Variants in AKT3 observed in about 807,000 individuals in gnomAD.
The protein encoded by AKT3 is AKT serine/threonine kinase 3, also known as RAC-gamma serine/threonine-protein kinase.
In AKT3, 15 loss-of-function variants were observed where a neutral mutation model predicts 65.3. That is an observed-to-expected ratio of 0.23 (90% CI 0.15 to 0.35). AKT3 has a LOEUF of 0.35. Ranked by LOEUF, AKT3 falls within the 10% of genes least tolerant of loss-of-function variation. AKT3 has a pLI of 1.00. For synonymous variants in AKT3, 206 were observed against 183.8 expected (o/e 1.12, Z -0.98); for missense variants, 243 against 576.5 (o/e 0.42, Z 5.92).
chr1:243,510,838 T>C (rs930104673), intron 13 of AKT3, among the ~76,000 whole-genome samples: 1 of 152,224 alleles, frequency 6.6e-6, no homozygotes, highest in African/African-American at 2.4e-5. Flanking sequence ...ACAGTTAGGA[T>C]TATATCCAAA....
intron 10 of AKT3, among the ~76,000 whole-genome samples, chr1:243,554,120 A>T (rs1008707905): frequency 1.3e-5 from 2 of 152,200 alleles, no homozygotes; most frequent in Admixed American, 6.5e-5. Context: ...TCACAGAATT[A>T]CAGGTGATAT....
chr1:243,566,363 A>T (rs1216049523), intron 9 of AKT3, among the ~76,000 whole-genome samples: 1 of 152,218 alleles, frequency 6.6e-6, no homozygotes, highest in Non-Finnish European at 1.5e-5. Flanking sequence ...CCCAGAACTG[A>T]GGGGTTTCAA....
intron 2 of AKT3, among the ~76,000 whole-genome samples, chr1:243,770,830 T>C (rs964945275): frequency 1.3e-5 from 2 of 152,082 alleles, no homozygotes; most frequent in Non-Finnish European, 2.9e-5. Context: ...CCCACCACCG[T>C]TGTCATTCTT....
intron 13 of AKT3, among the ~76,000 whole-genome samples, chr1:243,489,407 G>A (rs1665830950): frequency 6.6e-6 from 1 of 152,208 alleles, no homozygotes; most frequent in South Asian, 2.1e-4. Flanking sequence ...AAGTTGCGCC[G>A]TGCAGGCTGC....
At chr1:243,814,429 T>C (rs931658630) in intron 2 of AKT3, 1 of 151,974 alleles carries the variant, frequency 6.6e-6, no homozygotes, top group African/African-American at 2.4e-5. Context: ...ATGGAAAAAA[T>C]TCTTCCTCAT....
chr1:243,671,731 A>T (rs1197052116), intron 3 of AKT3, among the ~76,000 whole-genome samples: 1 of 152,216 alleles, frequency 6.6e-6, no homozygotes, highest in Middle Eastern at 3.2e-3. Flanking sequence ...AATGTTATTC[A>T]TTTAATCCAA....
intron 2 of AKT3, among the ~76,000 whole-genome samples, chr1:243,763,113 C>T (rs1346879883): frequency 6.6e-6 from 1 of 151,922 alleles, no homozygotes; most frequent in Non-Finnish European, 1.5e-5. Flanking sequence ...TAAACTAAAA[C>T]CAATTTCTAA....
At chr1:243,550,376 C>A (rs543461258) in intron 11 of AKT3, among the ~76,000 whole-genome samples, 5 of 152,216 alleles carry the variant, frequency 3.3e-5, no homozygotes, top group Middle Eastern at 3.4e-3. Flanking sequence ...TCTATTAATA[C>A]ATACTAGGCG....
intron 2 of AKT3, among the ~76,000 whole-genome samples, chr1:243,828,062 T>TAAA (rs1412169544): frequency 7.0e-5 from 5 of 71,112 alleles, no homozygotes; most frequent in South Asian, 4.0e-4. Flanking sequence ...AAGAATGTTT[T>TAAA]AAAAACAACA....
chr1:243,721,613 C>A lies in AKT3; in HGVS notation c.47-25897G>T, dbSNP rs1358856482. On this transcript the variant is annotated intron_variant, in intron 2 of 13. Transcript: ENST00000673466. ...GAGGAAAGGGATCATTCCCTTTCCA[C>A]TACTATACTACCAAATATAAACTAG... 2.0e-5 allele frequency among the ~76,000 whole-genome samples: 3 copies of A among 152,094 alleles called. No homozygotes were observed. In the East Asian group the frequency reaches 5.8e-4, roughly 29 times the overall value.
intron 2 of AKT3, among the ~76,000 whole-genome samples, chr1:243,825,727 T>C (rs537900034): frequency 6.6e-6 from 1 of 152,310 alleles, no homozygotes; most frequent in South Asian, 2.1e-4. Context: ...GATTACCGGC[T>C]ACAAACAGGA....
At chr1:243,645,827 G>A (rs2147845618) in intron 5 of AKT3, 66 bp downstream of exon 5, 2 of 1,426,850 alleles carry the variant, frequency 1.4e-6, no homozygotes, top group Non-Finnish European at 1.9e-6. Flanking sequence ...TCTGCAAATG[G>A]TAGCTTTTAA....
At chr1:243,627,651 T>C (rs530473070) in intron 6 of AKT3, among the ~76,000 whole-genome samples, 3 of 152,278 alleles carry the variant, frequency 2.0e-5, no homozygotes, top group East Asian at 3.9e-4. Context: ...GGCTGGAGGA[T>C]AAATCCAGCA....
intron 4 of AKT3, among the ~76,000 whole-genome samples, chr1:243,650,568 T>G (rs1681230085): frequency 6.6e-6 from 1 of 152,202 alleles, no homozygotes; most frequent in Non-Finnish European, 1.5e-5. Context: ...TAATCCATCT[T>G]GGGTTGATTT....
chr1:243,508,567 G>T (rs1393218667), intron 13 of AKT3, among the ~76,000 whole-genome samples: 1 of 151,640 alleles, frequency 6.6e-6, no homozygotes, highest in Non-Finnish European at 1.5e-5. Context: ...AGAAACAGAT[G>T]ACATTGCTGG....
At chr1:243,808,396 T>C (rs935987469) in intron 2 of AKT3, among the ~76,000 whole-genome samples, 3 of 152,166 alleles carry the variant, frequency 2.0e-5, no homozygotes, top group African/African-American at 4.8e-5. Context: ...CAAGCTTCAG[T>C]AGCCGATTCG....
chr1:243,566,524 G>T (rs571952962), intron 9 of AKT3, among the ~76,000 whole-genome samples: 2 of 152,160 alleles, frequency 1.3e-5, no homozygotes, highest in Admixed American at 1.3e-4. Flanking sequence ...AGAGAGATGG[G>T]GTAAGGGTCA....
chr1:243,848,452 AT>A (rs1489114424), intron 1 of AKT3, among the ~76,000 whole-genome samples: 2 of 152,206 alleles, frequency 1.3e-5, no homozygotes, highest in African/African-American at 4.8e-5. Context: ...TCGTTTATAC[AT>A]ATTTTGCAAG....
intron 2 of AKT3, among the ~76,000 whole-genome samples, chr1:243,798,798 A>T (rs762371679): frequency 3.3e-5 from 5 of 151,642 alleles, no homozygotes; most frequent in Non-Finnish European, 7.4e-5. Context: ...TTAACCTTCA[A>T]CTCCACACTG....
Sources: allele counts gnomAD v4.1 joint callset (sites outside exome capture counted in the v4.1 genomes callset), GRCh38; gene constraint gnomAD v4.1.1; transcripts MANE v1.5; gene names NCBI Gene and HGNC (gene_info 2026-07-23, HGNC 2026-07-21).